The following SLC9A9 variants were observed in gnomAD, a reference collection of about 807,000 sequenced individuals.
The protein encoded by SLC9A9 is sodium/hydrogen exchanger 9.
SLC9A9 carries 62 observed loss-of-function variants against 77.8 expected under a neutral mutation model. That is an observed-to-expected ratio of 0.80 (90% CI 0.65 to 0.98). The LOEUF is 0.98. SLC9A9 is among the 50% of genes least tolerant of loss of function. The pLI is 0.00. For synonymous variants in SLC9A9, 320 were observed against 283.5 expected, an observed-to-expected ratio of 1.13 and a Z score of -1.29; for missense variants, 775 against 774.9, an observed-to-expected ratio of 1.00 and a Z score of 0.00.
At chr3:143,449,687 AATATAATTATATT>A (rs1440899554) in intron 12 of SLC9A9, among the ~76,000 whole-genome samples, 1 of 36,744 alleles carries the variant, frequency 2.7e-5, no homozygotes, top group African/African-American at 1.4e-4. Flanking sequence ...AATTATATAA[AATATAATTATATT>A]ATATAATTAT....
At chr3:143,693,476 C>T (rs1206861726) in intron 4 of SLC9A9, among the ~76,000 whole-genome samples, 169 bp from the exon 5 acceptor site, 1 of 152,080 alleles carries the variant, frequency 6.6e-6, no homozygotes, top group African/African-American at 2.4e-5. Context: ...AATCTCTTGG[C>T]TATGAAAGAC....
chr3:143,313,957 A>G (rs1028601544), intron 14 of SLC9A9, among the ~76,000 whole-genome samples: 1 of 152,150 alleles, frequency 6.6e-6, no homozygotes, highest in Non-Finnish European at 1.5e-5. Context: ...CATGCCCCCC[A>G]TAGCTGCCTC....
chr3:143,265,599 G>GTATCTT lies in SLC9A9; in HGVS notation c.*1097_*1102dup. ...GATTTCAAGAGGTGCTAGGCTTGAG[G>GTATCTT]TATCTTTATGGCTTAAAAGGCACAG... On this transcript the variant is annotated 3_prime_UTR_variant, in exon 16 of 16. Coordinates refer to ENST00000316549, the MANE Select transcript of SLC9A9 (RefSeq NM_173653.4). 6.2e-6 allele frequency: 2 copies of GTATCTT among 321,268 alleles called. No homozygotes were observed. Among genetic ancestry groups the GTATCTT allele is most frequent in the Non-Finnish European group, 1.1e-5 (2 of 177,522 alleles). 19.9% of individuals were successfully genotyped at this position (321,268 alleles called of 1,614,324 possible).
At position 143,755,890 on chromosome 3, in the gene SLC9A9, A is replaced by G. The variant is rs368571752; in HGVS notation, c.533+39111T>C. Among the ~76,000 whole-genome samples, 14 of 152,262 alleles carry G rather than the reference A, an allele frequency of 9.2e-5. No homozygotes were observed. The East Asian group carries it at 2.7e-3, about 29-fold the overall frequency. On this transcript the variant is annotated intron_variant, in intron 4 of 15. Coordinates refer to ENST00000316549, the MANE Select transcript of SLC9A9 (RefSeq NM_173653.4). ...GTCAGAGGAAAAGTGGGAGAGAATTATGTTGGCAATCAAAAAGTAAGTTAA... is the reference window on the plus strand; with the variant it reads ...GTCAGAGGAAAAGTGGGAGAGAATTGTGTTGGCAATCAAAAAGTAAGTTAA...
chr3:143,376,584 C>T (rs1440981717), intron 13 of SLC9A9, among the ~76,000 whole-genome samples: 1 of 152,200 alleles, frequency 6.6e-6, no homozygotes, highest in Admixed American at 6.5e-5. Flanking sequence ...TAGCTGCCAC[C>T]TTCCACTTCT....
chr3:143,354,375 T>C (rs981299715), intron 14 of SLC9A9, among the ~76,000 whole-genome samples: 11 of 152,246 alleles, frequency 7.2e-5, no homozygotes, highest in African/African-American at 2.2e-4. Flanking sequence ...TTGAGAATCA[T>C]CACCATCTAC....
At chr3:143,688,103 CT>C (rs1933333313) in intron 5 of SLC9A9, among the ~76,000 whole-genome samples, 1 of 148,572 alleles carries the variant, frequency 6.7e-6, no homozygotes, top group African/African-American at 2.5e-5. Context: ...CTCTCTTTTC[CT>C]TTCTTTCTTC....
At chr3:143,528,102 T>C (rs186220077) in intron 9 of SLC9A9, among the ~76,000 whole-genome samples, 2 of 152,320 alleles carry the variant, frequency 1.3e-5, no homozygotes, top group Non-Finnish European at 1.5e-5. Context: ...TAGGCAGGCT[T>C]TGCAGGAATG....
At chr3:143,673,858 T>A (rs1270338900) in intron 5 of SLC9A9, among the ~76,000 whole-genome samples, 1 of 152,134 alleles carries the variant, frequency 6.6e-6, no homozygotes, top group Non-Finnish European at 1.5e-5. Flanking sequence ...TATAATTTTA[T>A]TAATTTTTTC....
intron 11 of SLC9A9, among the ~76,000 whole-genome samples, chr3:143,492,347 ACT>A (rs1018743191): frequency 2.5e-4 from 38 of 150,624 alleles, no homozygotes; most frequent in Non-Finnish European, 4.1e-4. Context: ...CTTCCTTATG[ACT>A]CTCTCTCTCT....
intron 4 of SLC9A9, among the ~76,000 whole-genome samples, chr3:143,728,744 A>G (rs1934727365): frequency 6.6e-6 from 1 of 152,020 alleles, no homozygotes; most frequent in Non-Finnish European, 1.5e-5. Context: ...AGGGGAACAG[A>G]TTAGAAATAT....
intron 11 of SLC9A9, among the ~76,000 whole-genome samples, chr3:143,474,948 C>A (rs2035446080): frequency 7.7e-6 from 1 of 129,826 alleles, no homozygotes; most frequent in South Asian, 2.8e-4. Flanking sequence ...AGTGCTCTCA[C>A]CTTCACCCAG....
intron 14 of SLC9A9, among the ~76,000 whole-genome samples, chr3:143,294,859 T>C (rs2030179662): frequency 6.6e-6 from 1 of 152,204 alleles, no homozygotes; most frequent in African/African-American, 2.4e-5. Context: ...AGGCAATAAA[T>C]AGGATTATGT....
chr3:143,410,742 C>T (rs2034080358), intron 12 of SLC9A9, among the ~76,000 whole-genome samples: 1 of 151,992 alleles, frequency 6.6e-6, no homozygotes, highest in African/African-American at 2.4e-5. Context: ...TTTTTACTTT[C>T]ATTTTAATTT....
intron 1 of SLC9A9, among the ~76,000 whole-genome samples, chr3:143,839,834 T>C (rs943610660): frequency 1.3e-5 from 2 of 152,228 alleles, no homozygotes; most frequent in Non-Finnish European, 2.9e-5. Context: ...TTTCTTACTT[T>C]GTAATGTTTA....
At chr3:143,818,780 C>T (rs935857311) in intron 2 of SLC9A9, among the ~76,000 whole-genome samples, 9 of 152,152 alleles carry the variant, frequency 5.9e-5, no homozygotes, top group Middle Eastern at 3.4e-3. Flanking sequence ...TGAATGTTAA[C>T]GGTTAAAAAC....
chr3:143,410,288 T>C (rs1459073917), intron 12 of SLC9A9, among the ~76,000 whole-genome samples: 1 of 152,176 alleles, frequency 6.6e-6, no homozygotes, highest in Non-Finnish European at 1.5e-5. Context: ...AAATCTGGGG[T>C]AAGCAGGGCT....
chr3:143,348,334 A>T (rs1308057656), intron 14 of SLC9A9, among the ~76,000 whole-genome samples: 1 of 152,166 alleles, frequency 6.6e-6, no homozygotes, highest in African/African-American at 2.4e-5. Context: ...GTTGGACTTT[A>T]TTCCATTTAT....
chr3:143,800,322 T>C (rs145074779), intron 2 of SLC9A9, among the ~76,000 whole-genome samples: 5,635 of 152,266 alleles, frequency 0.037, 284 homozygotes, highest in African/African-American at 0.11. Context: ...TGTTATCACT[T>C]GCCTGTTACA....
Sources: gnomAD v4.1 joint callset for allele counts (sites outside exome capture counted in the v4.1 genomes callset) on GRCh38, gnomAD v4.1.1 for gene constraint, MANE v1.5 for transcripts, NCBI Gene and HGNC (gene_info 2026-07-23, HGNC 2026-07-21) for gene names.